The following TMEFF2 variants were observed in gnomAD, a reference collection of about 807,000 sequenced individuals.
TMEFF2 encodes the protein tomoregulin-2.
In TMEFF2, 28 loss-of-function variants were observed where a neutral mutation model predicts 53.8. The ratio of observed to expected loss-of-function variants is 0.52; its 90% CI spans 0.39 to 0.71. The LOEUF is 0.71. Among genes scored for constraint, TMEFF2 ranks in the 30% least tolerant of loss-of-function variants. TMEFF2 has a pLI of 0.00. For missense variants in TMEFF2, 353 were observed against 455.2 expected (o/e 0.78, Z 2.04); for synonymous variants, 162 against 166.3 (o/e 0.97, Z 0.20).
intron 5 of TMEFF2, among the ~76,000 whole-genome samples, chr2:192,055,575 G>A (rs1055115424): frequency 2.6e-5 from 4 of 151,904 alleles, no homozygotes; most frequent in Non-Finnish European, 4.4e-5. Flanking sequence ...AGGAGTTTGA[G>A]ACCAGCCTGG....
intron 5 of TMEFF2, among the ~76,000 whole-genome samples, chr2:192,030,106 A>G (rs983836892): frequency 6.6e-6 from 1 of 152,212 alleles, no homozygotes; most frequent in African/African-American, 2.4e-5. Context: ...TGACTAAACC[A>G]TGTTGAAGAA....
At chr2:192,131,058 C>T (rs1399516196) in intron 4 of TMEFF2, among the ~76,000 whole-genome samples, 2 of 150,072 alleles carry the variant, frequency 1.3e-5, no homozygotes, top group African/African-American at 4.9e-5. Context: ...GGGGAAGGGG[C>T]AAGTACCCCA....
intron 5 of TMEFF2, chr2:192,043,826 A>G (rs1232797187): frequency 6.6e-6 from 1 of 152,254 alleles, no homozygotes; most frequent in African/African-American, 2.4e-5. Flanking sequence ...ACATTCCTGG[A>G]AAGACTGCAC....
intron 7 of TMEFF2, among the ~76,000 whole-genome samples, chr2:191,980,651 C>A (rs902750065): frequency 6.6e-6 from 1 of 152,154 alleles, no homozygotes; most frequent in African/African-American, 2.4e-5. Context: ...CCACCCCCAG[C>A]GTCTGCCTCT....
chr2:191,963,454 G>A (rs1483397690), intron 7 of TMEFF2, among the ~76,000 whole-genome samples: 1 of 151,934 alleles, frequency 6.6e-6, no homozygotes, highest in African/African-American at 2.4e-5. Context: ...TGGGCCATGT[G>A]AGCCAAGCAG....
intron 5 of TMEFF2, among the ~76,000 whole-genome samples, chr2:192,015,503 A>G (rs548968093): frequency 6.6e-6 from 1 of 152,212 alleles, no homozygotes; most frequent in Admixed American, 6.5e-5. Flanking sequence ...TTTAAAGGCT[A>G]AAGAATGATT....
chr2:192,106,830 C>A (rs1325866359), intron 4 of TMEFF2, among the ~76,000 whole-genome samples: 1 of 151,558 alleles, frequency 6.6e-6, no homozygotes, highest in African/African-American at 2.4e-5. Context: ...GGCAAAAGTT[C>A]TTTTAGTGGC....
At chr2:192,141,285 T>C (rs1205815063) in intron 4 of TMEFF2, among the ~76,000 whole-genome samples, 1 of 151,840 alleles carries the variant, frequency 6.6e-6, no homozygotes, top group Non-Finnish European at 1.5e-5. Flanking sequence ...TAATCCTGTC[T>C]CTACTAAAAA....
At position 192,104,723 on chromosome 2, in the gene TMEFF2, T is replaced by C. The variant is rs557169719; in HGVS notation, c.440-46948A>G. ...ATTTTTTTTTCCTTAGAGCCTTTCA[T>C]TACAATTCAGCCATTCTGCAATTAA... On this transcript the variant is annotated intron_variant, in intron 4 of 9. Transcript: ENST00000272771. Among the ~76,000 whole-genome samples the C allele has an allele frequency of 2.6e-5, 4 of 152,120 alleles. No individual in the cohort carries two copies. In the East Asian group the frequency reaches 7.7e-4, roughly 29 times the overall value.
At chr2:191,977,481 G>A (rs1685757592) in intron 7 of TMEFF2, among the ~76,000 whole-genome samples, 1 of 152,162 alleles carries the variant, frequency 6.6e-6, no homozygotes, top group Admixed American at 6.5e-5. Context: ...ATAGTTGAAG[G>A]AGCTCTAGAC....
chr2:192,165,538 T>C (rs1317861907), intron 4 of TMEFF2, among the ~76,000 whole-genome samples: 10 of 152,160 alleles, frequency 6.6e-5, no homozygotes, highest in African/African-American at 9.6e-5. Context: ...TTGTGAGTCA[T>C]ACAAATACAC....
intron 8 of TMEFF2, among the ~76,000 whole-genome samples, chr2:191,954,362 GATA>G (rs1394040706): frequency 6.6e-6 from 1 of 151,846 alleles, no homozygotes. Context: ...TTACATTTAT[GATA>G]ATAATTTCAA....
intron 4 of TMEFF2, among the ~76,000 whole-genome samples, chr2:192,122,242 T>C (rs980021284): frequency 6.6e-6 from 1 of 152,042 alleles, no homozygotes; most frequent in Non-Finnish European, 1.5e-5. Flanking sequence ...TATTCACCAG[T>C]GAAAAAGCAA....
chr2:192,020,859 G>T (rs1195789543), intron 5 of TMEFF2, among the ~76,000 whole-genome samples: 3 of 152,098 alleles, frequency 2.0e-5, no homozygotes, highest in Admixed American at 1.3e-4. Flanking sequence ...CATTTGACTT[G>T]CAACCATCTC....
intron 4 of TMEFF2, among the ~76,000 whole-genome samples, chr2:192,116,199 C>T (rs992923411): frequency 2.0e-5 from 3 of 151,834 alleles, no homozygotes; most frequent in Non-Finnish European, 4.4e-5. Flanking sequence ...TATGGATGAA[C>T]CTTGAGACAA....
chr2:192,191,895 G>A lies in TMEFF2; in HGVS notation c.267C>T (p.Cys89=), dbSNP rs748657716. 2.2e-5 allele frequency: 35 copies of A among 1,610,226 alleles called. No individual in the cohort carries two copies. Among genetic ancestry groups the A allele is most frequent in the East Asian group, 4.5e-5 (2 of 44,798 alleles). The change falls in exon 2 of 10, where the codon TGC becomes TGT. Residue 89 remains cysteine, a synonymous_variant. Coordinates refer to ENST00000272771, the MANE Select transcript of TMEFF2 (RefSeq NM_016192.4). Reference sequence around the variant, plus strand: ...GACTTCTTACCTTGAACTGACAGACGCAAGTCACAGTGTCTCCAATTCTTA... The same window carrying A: ...GACTTCTTACCTTGAACTGACAGACACAAGTCACAGTGTCTCCAATTCTTA... ...ECLRIGDTVT[C]VCQFKCNNDY...
rs142193908 is a variant in TMEFF2, at chr2:192,047,737, G to A, written c.536+9942C>T. ...TTCAGCAGTATTGATGTTTTGATTG[G>A]GTGTTGCATATAATTTTACAATTTG... On this transcript the variant is annotated intron_variant, in intron 5 of 9. Coordinates refer to ENST00000272771, the MANE Select transcript of TMEFF2 (RefSeq NM_016192.4). Among the ~76,000 whole-genome samples the A allele has an allele frequency of 6.0e-4, 91 of 152,156 alleles. No homozygotes were observed. In the East Asian group the frequency reaches 0.017, roughly 28 times the overall value.
intron 4 of TMEFF2, among the ~76,000 whole-genome samples, chr2:192,166,735 AG>A (rs2106018229): frequency 6.6e-6 from 1 of 152,284 alleles, no homozygotes; most frequent in African/African-American, 2.4e-5. Context: ...GGATGGGATT[AG>A]GGCAGAGTTT....
At chr2:191,958,803 AT>A (rs761971480) in intron 7 of TMEFF2, among the ~76,000 whole-genome samples, 2 of 152,250 alleles carry the variant, frequency 1.3e-5, no homozygotes, top group East Asian at 3.8e-4. Flanking sequence ...TTGAAAATAA[AT>A]TAGTAGAAGA....
Sources: allele counts gnomAD v4.1 joint callset (sites outside exome capture counted in the v4.1 genomes callset), GRCh38; gene constraint gnomAD v4.1.1; transcripts MANE v1.5; gene names NCBI Gene and HGNC (gene_info 2026-07-23, HGNC 2026-07-21).